SNTG1: variants seen among roughly 807,000 people sequenced by gnomAD.
SNTG1 encodes the protein syntrophin gamma 1, also known as gamma-1-syntrophin.
In SNTG1, 39 loss-of-function variants were observed where a neutral mutation model predicts 74.7. The observed-to-expected ratio is 0.52, with a 90% CI of 0.40 to 0.68. The LOEUF (loss-of-function observed/expected upper bound fraction) is 0.68. Ranked by LOEUF, SNTG1 falls within the 30% of genes least tolerant of loss-of-function variation. The pLI, the probability that SNTG1 is intolerant of heterozygous loss-of-function variation, is 0.00. For synonymous variants in SNTG1, 254 were observed against 217.1 expected (o/e 1.17, Z -1.49); for missense variants, 685 against 609.5 (o/e 1.12, Z -1.30).
Position 50,322,287 on chromosome 8 carries a change from GT to G in SNTG1, c.-27-71918del, listed in dbSNP as rs559660263. ...GATATACTATTCTAGGAAAAAAGGTGTTTTTTTCTTTGTTTGTTTTGGTTTG... is the reference window on the plus strand; with the variant it reads ...GATATACTATTCTAGGAAAAAAGGTGTTTTTTCTTTGTTTGTTTTGGTTTG... On this transcript the variant is annotated intron_variant, in intron 2 of 18. Transcript: ENST00000642720. 5.8e-4 allele frequency among the ~76,000 whole-genome samples: 88 copies of G among 151,904 alleles called. 1 individual carries two copies. The highest frequency in any genetic ancestry group is 1.1e-3 in the Non-Finnish European group (76 of 67,908).
intron 2 of SNTG1, among the ~76,000 whole-genome samples, chr8:50,331,708 T>G (rs1340882542): frequency 1.3e-5 from 2 of 152,164 alleles, no homozygotes; most frequent in Non-Finnish European, 2.9e-5. Flanking sequence ...TGGTGCTTGC[T>G]GGTATAGAGA....
intron 2 of SNTG1, among the ~76,000 whole-genome samples, chr8:50,203,898 CATTTTTTGTAGCAAATCTAT>C (rs2084091776): frequency 1.3e-5 from 2 of 151,970 alleles, no homozygotes; most frequent in Admixed American, 6.6e-5. Context: ...AACGTCAATG[CATTTTTTGTAGCAAATCTAT>C]ATTTTTTCAA....
chr8:49,947,816 A>G (rs1240447355), intron 1 of SNTG1, among the ~76,000 whole-genome samples: 3 of 152,138 alleles, frequency 2.0e-5, no homozygotes, highest in Non-Finnish European at 4.4e-5. Context: ...TGACTCTATT[A>G]AGGCTCTGTG....
In SNTG1 at chr8:50,783,116, C is replaced by T. The variant is rs1400803035; in HGVS notation, c.1396-9555C>T. ...TGTGAGGTGTCAGTCTGGGGGGTGC[C>T]TCCCAGTTAGGCTGCTCGGGGGTCA... On this transcript the variant is annotated intron_variant, in intron 18 of 18. Transcript: ENST00000642720. Among the ~76,000 whole-genome samples the T allele has an allele frequency of 3.3e-5, 5 of 152,230 alleles. 1 individual carries two copies. The highest frequency in any genetic ancestry group is 1.2e-4 in the African/African-American group (5 of 41,562).
At chr8:50,176,841 T>C (rs965211903) in intron 2 of SNTG1, among the ~76,000 whole-genome samples, 1 of 152,192 alleles carries the variant, frequency 6.6e-6, no homozygotes, top group African/African-American at 2.4e-5. Flanking sequence ...TTATTGTTCG[T>C]ATTGTCTACC....
chr8:50,350,108 C>T (rs562119432), intron 2 of SNTG1, among the ~76,000 whole-genome samples: 5 of 152,164 alleles, frequency 3.3e-5, no homozygotes, highest in East Asian at 1.9e-4. Context: ...CGCCGGCTCA[C>T]GGGCGCTGTG....
At chr8:50,187,377 T>A (rs368865058) in intron 2 of SNTG1, among the ~76,000 whole-genome samples, 2 of 152,062 alleles carry the variant, frequency 1.3e-5, no homozygotes, top group East Asian at 3.9e-4. Context: ...TCTACAACGA[T>A]CTGGTCTTTG....
chr8:50,728,372 G>A (rs2095505156), intron 17 of SNTG1, among the ~76,000 whole-genome samples: 2 of 152,138 alleles, frequency 1.3e-5, no homozygotes, highest in South Asian at 2.1e-4. Flanking sequence ...TGGTTCTGTA[G>A]GGATGAGGAG....
chr8:50,212,676 G>A (rs1468569361), intron 2 of SNTG1, among the ~76,000 whole-genome samples: 4 of 152,136 alleles, frequency 2.6e-5, no homozygotes, highest in African/African-American at 7.2e-5. Flanking sequence ...CTCATCTCTA[G>A]CATGTGGTCT....
At chr8:50,114,072 T>C (rs2131319774) in intron 1 of SNTG1, among the ~76,000 whole-genome samples, 1 of 152,206 alleles carries the variant, frequency 6.6e-6, no homozygotes, top group South Asian at 2.1e-4. Flanking sequence ...AGGAATAGAT[T>C]GAGAATATTC....
chr8:50,250,735 G>C (rs2086611085), intron 2 of SNTG1, among the ~76,000 whole-genome samples: 1 of 151,954 alleles, frequency 6.6e-6, no homozygotes, highest in Admixed American at 6.6e-5. Flanking sequence ...TCACAGCCAA[G>C]AATATTATAT....
intron 2 of SNTG1, among the ~76,000 whole-genome samples, chr8:50,249,901 C>T (rs200328860): frequency 6.6e-6 from 1 of 151,686 alleles, no homozygotes. Context: ...GGTAGGGACA[C>T]AAGAAACAAA....
chr8:50,161,812 C>T (rs568878697), intron 1 of SNTG1, among the ~76,000 whole-genome samples: 1 of 152,094 alleles, frequency 6.6e-6, no homozygotes, highest in East Asian at 1.9e-4. Context: ...TGGATAGCAG[C>T]AATATTTAAG....
intron 1 of SNTG1, among the ~76,000 whole-genome samples, chr8:50,061,139 ATGT>A (rs1190191072): frequency 6.6e-6 from 1 of 152,146 alleles, no homozygotes; most frequent in East Asian, 1.9e-4. Context: ...CCTTATTCAA[ATGT>A]TGTGTAGAAT....
intron 12 of SNTG1, among the ~76,000 whole-genome samples, chr8:50,574,233 A>G (rs1417580538): frequency 6.6e-6 from 1 of 152,056 alleles, no homozygotes; most frequent in Non-Finnish European, 1.5e-5. Flanking sequence ...TCCATTTCAA[A>G]CAGAATATGA....
chr8:50,289,121 T>C (rs920943485), intron 2 of SNTG1, among the ~76,000 whole-genome samples: 1 of 152,160 alleles, frequency 6.6e-6, no homozygotes, highest in Non-Finnish European at 1.5e-5. Context: ...AGACTTAAGA[T>C]AAATAGTATA....
Position 50,181,499 on chromosome 8 carries a change from A to C in SNTG1, c.-28+8864A>C, listed in dbSNP as rs546165146. 2.0e-5 allele frequency among the ~76,000 whole-genome samples: 3 copies of C among 152,318 alleles called. No homozygotes were observed. The East Asian group carries it at 5.8e-4, about 29-fold the overall frequency. Reference sequence around the variant, plus strand: ...GGAAGGGCAGTCAGCAGAGTTTTTCAGGTGCTATTTCTGGGCTATACATTC... The same window carrying C: ...GGAAGGGCAGTCAGCAGAGTTTTTCCGGTGCTATTTCTGGGCTATACATTC... On this transcript the variant is annotated intron_variant, in intron 2 of 18. Coordinates refer to ENST00000642720, the MANE Select transcript of SNTG1 (RefSeq NM_018967.5).
intron 1 of SNTG1, among the ~76,000 whole-genome samples, chr8:50,107,337 T>C (rs1175981541): frequency 2.0e-5 from 3 of 152,138 alleles, no homozygotes; most frequent in Non-Finnish European, 4.4e-5. Context: ...CAGATAGATA[T>C]GTAGATAGAT....
intron 2 of SNTG1, among the ~76,000 whole-genome samples, chr8:50,289,658 C>T (rs73678730): frequency 0.069 from 10,550 of 152,176 alleles, 846 homozygotes; most frequent in African/African-American, 0.18. Flanking sequence ...GTCTGTTTTG[C>T]GCTTTGCTGT....
Sources: gnomAD v4.1 joint callset for allele counts (sites outside exome capture counted in the v4.1 genomes callset) on GRCh38, gnomAD v4.1.1 for gene constraint, MANE v1.5 for transcripts, NCBI Gene and HGNC (gene_info 2026-07-23, HGNC 2026-07-21) for gene names.